The following STOM variants were observed in gnomAD, a reference collection of about 807,000 sequenced individuals.
The protein encoded by STOM is erythrocyte band 7 integral membrane protein.
STOM carries 25 observed loss-of-function variants against 30.6 expected under a neutral mutation model. The ratio of observed to expected loss-of-function variants is 0.82; its 90% CI spans 0.60 to 1.14. STOM has a LOEUF of 1.14. Among genes scored for constraint, STOM ranks in the 50% most tolerant of loss-of-function variants. STOM has a pLI of 0.00. For missense variants in STOM, 292 were observed against 365.2 expected, an observed-to-expected ratio of 0.80 and a Z score of 1.63; for synonymous variants, 118 against 130.8, an observed-to-expected ratio of 0.90 and a Z score of 0.67.
At chr9:121,367,066 C>T (rs765075827) in intron 1 of STOM, among the ~76,000 whole-genome samples, 4 of 151,918 alleles carry the variant, frequency 2.6e-5, no homozygotes, top group Admixed American at 2.0e-4. Flanking sequence ...GAGCAAGACC[C>T]GGTCTCAAAA....
At chr9:121,367,840 G>A (rs2064519741) in intron 1 of STOM, among the ~76,000 whole-genome samples, 1 of 152,202 alleles carries the variant, frequency 6.6e-6, no homozygotes, top group South Asian at 2.1e-4. Context: ...ACTGAAGTTA[G>A]ACAAGGTTCT....
intron 1 of STOM, among the ~76,000 whole-genome samples, chr9:121,358,220 G>A (rs2064415964): frequency 6.6e-6 from 1 of 152,084 alleles, no homozygotes; most frequent in Non-Finnish European, 1.5e-5. Flanking sequence ...ACTTTGGGAG[G>A]CCGAGATGGG....
Position 121,349,162 on chromosome 9 carries a change from A to G in STOM, c.483T>C (p.Ser161=). 1 of 1,614,150 alleles carries G rather than the reference A, an allele frequency of 6.2e-7. No homozygotes were observed. Among genetic ancestry groups the G allele is most frequent in the Non-Finnish European group, 8.5e-7 (1 of 1,180,024 alleles). ...LRNVLGTKNL[S]QILSDREEIA... is the part of the protein sequence containing the mutation. ...TTTCTTCTCTGTCAGAGAGGATCTG[A>G]GAAAGATTCTTGGTGCCCAGAACAT... Residue 161 remains serine (S), a synonymous_variant, in exon 5 of 7, where the codon TCT becomes TCC. Transcript: ENST00000286713.
rs1324565061 is a variant in STOM at position 121,339,576 on chromosome 9, G to A, written c.*1626C>T. 5.4e-5 allele frequency: 67 copies of A among 1,231,210 alleles called. No individual in the cohort carries two copies. The highest frequency in any genetic ancestry group is 6.4e-5 in the Non-Finnish European group (63 of 987,806). 76.3% of individuals were successfully genotyped at this position (1,231,210 alleles called of 1,614,324 possible). A position where few individuals can be genotyped will look rare whatever the true frequency, so the allele number is the denominator to read the frequency against. ...GAGCTAAAGAGAGCTATAAAGGCTC[G>A]TGCTGGGAAAGAAAGCTGTTATGCT... On this transcript the variant is annotated 3_prime_UTR_variant, in exon 7 of 7. Coordinates refer to ENST00000286713, the MANE Select transcript of STOM (RefSeq NM_004099.6).
At chr9:121,357,404 T>TAC (rs2064402037) in intron 1 of STOM, among the ~76,000 whole-genome samples, 1 of 145,820 alleles carries the variant, frequency 6.9e-6, no homozygotes. Flanking sequence ...TTTCCTAGTG[T>TAC]ACACACCATA....
chr9:121,349,509 A>G (rs2064320127), intron 4 of STOM, among the ~76,000 whole-genome samples, 186 bp from the exon 5 acceptor site: 1 of 152,234 alleles, frequency 6.6e-6, no homozygotes, highest in Non-Finnish European at 1.5e-5. Context: ...TCATTCAATC[A>G]TACAAATAAT....
chr9:121,342,829 G>A (rs192197144), intron 6 of STOM, among the ~76,000 whole-genome samples: 1 of 152,312 alleles, frequency 6.6e-6, no homozygotes, highest in Admixed American at 6.5e-5. Flanking sequence ...TCTAAATTCT[G>A]TAAGGGGTTT....
chr9:121,353,003 G>A (rs2064352247), intron 4 of STOM, among the ~76,000 whole-genome samples: 1 of 152,154 alleles, frequency 6.6e-6, no homozygotes, highest in Non-Finnish European at 1.5e-5. Flanking sequence ...TGAGGCACGA[G>A]AATCACTTGA....
intron 2 of STOM, 100 bp downstream of exon 2, chr9:121,355,953 G>A: frequency 1.4e-6 from 1 of 710,182 alleles, no homozygotes; most frequent in South Asian, 2.5e-5. Flanking sequence ...AAGAGAGAGA[G>A]ACAGTCTGTT....
intron 4 of STOM, 28 bp from the exon 5 acceptor site, chr9:121,349,351 T>A (rs1355844183): frequency 1.2e-6 from 2 of 1,605,618 alleles, no homozygotes; most frequent in Non-Finnish European, 1.7e-6. Context: ...CAATTTTACA[T>A]CTGTCAACGA....
At chr9:121,354,988 G>A (rs1031313756) in intron 2 of STOM, among the ~76,000 whole-genome samples, 2 of 152,040 alleles carry the variant, frequency 1.3e-5, no homozygotes, top group African/African-American at 2.4e-5. Flanking sequence ...GGCCAGGCAC[G>A]GTGGCTCACG....
chr9:121,368,964 A>C (rs1041961041), intron 1 of STOM, among the ~76,000 whole-genome samples: 2 of 151,110 alleles, frequency 1.3e-5, no homozygotes, highest in African/African-American at 4.9e-5. Flanking sequence ...ACGGAGCCTG[A>C]CCTATTTAGT....
intron 4 of STOM, among the ~76,000 whole-genome samples, chr9:121,350,937 T>TTA (rs2064333482): frequency 1.3e-5 from 2 of 152,326 alleles, no homozygotes; most frequent in African/African-American, 4.8e-5. Context: ...GAAAACTAAT[T>TTA]ATTTCCCATG....
Position 121,341,404 on chromosome 9 carries a change from A to G in STOM, c.665T>C (p.Ile222Thr), listed in dbSNP as rs772971391. 6 of 1,612,914 alleles carry G rather than the reference A, an allele frequency of 3.7e-6. No homozygotes were observed. Among genetic ancestry groups the G allele is most frequent in the Non-Finnish European group, 5.1e-6 (6 of 1,180,016 alleles). The change falls in exon 7 of 7, where the codon ATT becomes ACT. Residue 222 changes from isoleucine (I) to threonine (T), a missense_variant. By Grantham distance (89) the Ile-to-Thr change is moderately conservative. Transcript: ENST00000286713. ...EASREARAKV[I>T]AAEGEMNASR... ...TGCATTCATTTCTCCTTCGGCTGCA[A>G]TAACCTATGGACAGGTGAAAGGAGG... is the stretch of plus-strand genomic sequence containing the variant.
intron 6 of STOM, among the ~76,000 whole-genome samples, chr9:121,345,751 T>C (rs576882488): frequency 4.6e-5 from 7 of 152,308 alleles, no homozygotes; most frequent in African/African-American, 1.7e-4. Flanking sequence ...AAAGGGAAGA[T>C]AGAAATTTTC....
chr9:121,351,743 G>A (rs548122836), intron 4 of STOM, among the ~76,000 whole-genome samples: 38 of 152,330 alleles, frequency 2.5e-4, no homozygotes, highest in Non-Finnish European at 5.1e-4. Context: ...CTGTAATCTG[G>A]AGGAATTCCT....
Position 121,357,437 on chromosome 9 carries a change from A to ATATATATT in STOM, c.62-1282_62-1281insAATATATA, listed in dbSNP as rs1318433915. Among the ~76,000 whole-genome samples, 12 of 90,988 alleles carry ATATATATT rather than the reference A, an allele frequency of 1.3e-4. 1 individual carries two copies. The highest frequency in any genetic ancestry group is 3.7e-4 in the East Asian group (1 of 2,734). The allele number at this position is 90,988 out of a possible 152,430, so 59.7% of individuals were successfully genotyped here. A position where few individuals can be genotyped will look rare whatever the true frequency, so the allele number is the denominator to read the frequency against. ...ATATTTTTAAATGATATATATATAT[A>ATATATATT]TATTTATTTATTTATTTTTTGAGAC... On this transcript the variant is annotated intron_variant, in intron 1 of 6. Transcript: ENST00000286713.
intron 1 of STOM, among the ~76,000 whole-genome samples, chr9:121,368,649 C>T (rs1327819026): frequency 6.6e-6 from 1 of 152,004 alleles, no homozygotes; most frequent in African/African-American, 2.4e-5. Flanking sequence ...ACATAAAATA[C>T]GTGGCACTGG....
At chr9:121,350,035 C>T (rs1248060529) in intron 4 of STOM, among the ~76,000 whole-genome samples, 7 of 152,220 alleles carry the variant, frequency 4.6e-5, no homozygotes, top group Admixed American at 4.6e-4. Flanking sequence ...GCGTTAAATA[C>T]ATTCAAGTGC....
Sources: allele counts gnomAD v4.1 joint callset (sites outside exome capture counted in the v4.1 genomes callset), GRCh38; gene constraint gnomAD v4.1.1; transcripts MANE v1.5; gene names NCBI Gene and HGNC (gene_info 2026-07-23, HGNC 2026-07-21).